TMEM91: variants seen among roughly 807,000 people sequenced by gnomAD.
TMEM91 encodes the protein transmembrane protein 91, also known as dispanin subfamily C member 3.
TMEM91 carries 6 observed loss-of-function variants against 13.3 expected under a neutral mutation model. The observed-to-expected ratio is 0.45, with a 90% CI of 0.25 to 0.89. The LOEUF (loss-of-function observed/expected upper bound fraction) is 0.89. TMEM91 is among the 40% of genes least tolerant of loss of function. TMEM91 has a pLI of 0.19. For missense variants in TMEM91, 193 were observed against 228.7 expected (o/e 0.84, Z 1.01); for synonymous variants, 87 against 101.7 (o/e 0.86, Z 0.87).
intron 2 of TMEM91, among the ~76,000 whole-genome samples, chr19:41,381,570 T>C (rs1460090783): frequency 6.6e-6 from 1 of 152,090 alleles, no homozygotes; most frequent in Non-Finnish European, 1.5e-5. Context: ...TTCACTGTGT[T>C]AGCCAGGACG....
upstream of TMEM91, among the ~76,000 whole-genome samples, chr19:41,371,540 C>T (rs2038623503): frequency 6.6e-6 from 1 of 151,942 alleles, no homozygotes; most frequent in South Asian, 2.1e-4. Flanking sequence ...CTGCCTCAGC[C>T]TCCCGAGTAG....
At chr19:41,381,238 T>TG (rs1411529652) in intron 2 of TMEM91, among the ~76,000 whole-genome samples, 1 of 151,942 alleles carries the variant, frequency 6.6e-6, no homozygotes, top group Non-Finnish European at 1.5e-5. Context: ...TTGCTCAGGC[T>TG]GGGGGGCAGA....
At position 41,369,556 on chromosome 19, in the gene TMEM91, G is replaced by A. The variant is rs965521787; in HGVS notation, c.-30+5461G>A. Among the ~76,000 whole-genome samples, 3 of 148,738 alleles carry A rather than the reference G, an allele frequency of 2.0e-5. No homozygotes were observed. In the South Asian group the frequency reaches 6.3e-4, roughly 31 times the overall value. ...GCAGTGGCTCATGCCTGGATTCCCAGCACTTTGGGAGGCCGAGGCAGGCAG... is the reference window on the plus strand; with the variant it reads ...GCAGTGGCTCATGCCTGGATTCCCAACACTTTGGGAGGCCGAGGCAGGCAG... On this transcript the variant is annotated intron_variant, in intron 1 of 3. Transcript: ENST00000413014.
upstream of TMEM91, among the ~76,000 whole-genome samples, chr19:41,375,468 CAG>C (rs1222011258): frequency 1.3e-5 from 2 of 150,862 alleles, no homozygotes; most frequent in Admixed American, 6.6e-5. Flanking sequence ...TTAGTAGAGA[CAG>C]GGTTTCACCG....
chr19:41,365,596 G>T (rs183038159), intron 1 of TMEM91, among the ~76,000 whole-genome samples: 1,662 of 151,558 alleles, frequency 0.011, 38 homozygotes, highest in African/African-American at 0.038. Flanking sequence ...GTAGAGACGG[G>T]TTTTCACCAT....
chr19:41,380,445 C>T (rs2038852312), intron 2 of TMEM91, among the ~76,000 whole-genome samples: 1 of 152,152 alleles, frequency 6.6e-6, no homozygotes, highest in Non-Finnish European at 1.5e-5. Flanking sequence ...CAGAACTCAT[C>T]CCTTGATGGG....
chr19:41,371,388 T>G (rs1160755417), intron 1 of TMEM91, among the ~76,000 whole-genome samples: 1 of 147,628 alleles, frequency 6.8e-6, no homozygotes, highest in Non-Finnish European at 1.5e-5. Context: ...CTTCCTTCTT[T>G]CCTTCCTCCC....
At chr19:41,382,714 A>G (rs1317547641) in intron 2 of TMEM91, 58 bp from the exon 3 acceptor site, 3 of 1,582,702 alleles carry the variant, frequency 1.9e-6, no homozygotes, top group Non-Finnish European at 2.6e-6. Context: ...TGGAGAGCAG[A>G]GCAATGGGGC....
Position 41,378,537 on chromosome 19 carries a change from T to C in TMEM91, c.210+18T>C. On this transcript the variant is annotated intron_variant, in intron 2 of 3. Transcript: ENST00000392002. The stretch of plus-strand genomic sequence containing the variant: ...ATGTTGAGGTAGGAAACAGCAGGCC[T>C]TAGTGGAAGGCACGGGAGGGGGCTG... The C allele has an allele frequency of 6.2e-7, 1 of 1,613,678 alleles. No individual in the cohort carries two copies. Among genetic ancestry groups the C allele is most frequent in the South Asian group, 1.1e-5 (1 of 91,060 alleles).
intron 1 of TMEM91, among the ~76,000 whole-genome samples, chr19:41,366,718 CA>C (rs1181942179): frequency 6.6e-6 from 1 of 152,094 alleles, no homozygotes; most frequent in Non-Finnish European, 1.5e-5. Context: ...CTTGGCCTCC[CA>C]AAGTGCTGAG....
intron 1 of TMEM91, among the ~76,000 whole-genome samples, chr19:41,368,991 C>T (rs981039894): frequency 3.9e-5 from 6 of 151,992 alleles, no homozygotes; most frequent in Non-Finnish European, 8.8e-5. Flanking sequence ...TGGCATGCCC[C>T]TGTAGTCCCA....
chr19:41,383,614 T>A lies in TMEM91; in HGVS notation c.361-101T>A, dbSNP rs780991841. 5 of 1,614,006 alleles carry A rather than the reference T, an allele frequency of 3.1e-6. No individual in the cohort carries two copies. In the South Asian group the frequency reaches 5.5e-5, roughly 18 times the overall value. On this transcript the variant is annotated intron_variant, in intron 3 of 3. Transcript: ENST00000392002. ...GCTACGTATCTGCTTTTGGAATACA[T>A]GCATGAATGAATGAATGGGTATGTT...
At chr19:41,366,760 A>T (rs1335300765) in intron 1 of TMEM91, among the ~76,000 whole-genome samples, 1 of 152,052 alleles carries the variant, frequency 6.6e-6, no homozygotes, top group Non-Finnish European at 1.5e-5. Context: ...CTCCCGGCTG[A>T]GGTCTTCATT....
At chr19:41,383,354 C>T in intron 3 of TMEM91, 1 of 554,760 alleles carries the variant, frequency 1.8e-6, no homozygotes, top group South Asian at 4.9e-5. Context: ...GTGCCCAGCT[C>T]TCTGCAAGAT....
rs748693325 is a variant in TMEM91, at chr19:41,378,315, C to G, written c.6C>G (p.Asp2Glu). Reference protein sequence around the residue: MDSPSLRELQQP... With the variant: MESPSLRELQQP... ...CCTGGAGTTTCCCCAAAGCCATGGA[C>G]AGCCCTAGTCTTCGTGAGCTTCAAC... is the stretch of plus-strand genomic sequence containing the variant. Residue 2 changes from aspartate (D) to glutamate (E), a missense_variant, in exon 2 of 4, where the codon GAC becomes GAG. By Grantham distance (45) the Asp-to-Glu change is conservative. Coordinates refer to ENST00000392002, the MANE Select transcript of TMEM91 (RefSeq NM_001098821.2). The G allele has an allele frequency of 1.2e-6, 2 of 1,613,464 alleles. No homozygotes were observed. Among genetic ancestry groups the G allele is most frequent in the Non-Finnish European group, 1.7e-6 (2 of 1,179,428 alleles).
At chr19:41,379,550 GGAGA>G (rs904015109) in intron 2 of TMEM91, among the ~76,000 whole-genome samples, 5 of 145,874 alleles carry the variant, frequency 3.4e-5, no homozygotes, top group East Asian at 2.0e-4. Context: ...GGGAGAGGGG[GGAGA>G]GAGAGAGAGA....
At chr19:41,373,460 A>G (rs2038655815), upstream of TMEM91, among the ~76,000 whole-genome samples, 3 of 151,132 alleles carry the variant, frequency 2.0e-5, no homozygotes, top group South Asian at 6.3e-4. Flanking sequence ...CATATGTAAT[A>G]AAGACCCACT....
Position 41,383,856 on chromosome 19 carries a change from T to A in TMEM91, c.502T>A (p.Ser168Thr). The change falls in exon 4 of 4, where the codon TCC (serine) becomes ACC (threonine). Residue 168 changes from serine to threonine, a missense_variant. Transcript: ENST00000392002. ...GGTGACCCTGGCTGCCTACCTTGCC[T>A]CCCGAGACCCGCCCTAGTTGCCCCT... ...ALVTLAAYLA[S>T]RDPP The A allele has an allele frequency of 6.2e-7, 1 of 1,607,600 alleles. No homozygotes were observed. Among genetic ancestry groups the A allele is most frequent in the Non-Finnish European group, 8.5e-7 (1 of 1,177,066 alleles).
At chr19:41,382,350 G>A (rs2038906978) in intron 2 of TMEM91, among the ~76,000 whole-genome samples, 1 of 152,008 alleles carries the variant, frequency 6.6e-6, no homozygotes, top group East Asian at 1.9e-4. Context: ...CTGGCCAGGT[G>A]TGGTGGCTCA....
Sources: allele counts gnomAD v4.1 joint callset (sites outside exome capture counted in the v4.1 genomes callset), GRCh38; gene constraint gnomAD v4.1.1; transcripts MANE v1.5; gene names NCBI Gene and HGNC (gene_info 2026-07-23, HGNC 2026-07-21).